The following FAM184A variants were observed in gnomAD, a reference collection of about 807,000 sequenced individuals.
The protein encoded by FAM184A is protein FAM184A.
In FAM184A, 99 loss-of-function variants were observed where a neutral mutation model predicts 143.8. That is an observed-to-expected ratio of 0.69 (90% CI 0.58 to 0.81). The LOEUF (loss-of-function observed/expected upper bound fraction) is 0.81. FAM184A is among the 40% of genes least tolerant of loss of function. FAM184A has a pLI of 0.00. For synonymous variants in FAM184A, 427 were observed against 446.4 expected (o/e 0.96, Z 0.55); for missense variants, 1,217 against 1,310.5 (o/e 0.93, Z 1.10).
chr6:119,081,604 G>A (rs996946883), upstream of FAM184A, among the ~76,000 whole-genome samples: 1 of 152,218 alleles, frequency 6.6e-6, no homozygotes, highest in African/African-American at 2.4e-5. Flanking sequence ...TTGCCTTGGT[G>A]TACTGGAAGA....
chr6:119,068,465 T>C (rs182224107), intron 1 of FAM184A, among the ~76,000 whole-genome samples: 1 of 152,348 alleles, frequency 6.6e-6, no homozygotes, highest in African/African-American at 2.4e-5. Context: ...TTAATCTTTA[T>C]AATAATTCTA....
At chr6:119,146,574 G>A (rs1216742363) in intron 1 of FAM184A, among the ~76,000 whole-genome samples, 1 of 151,916 alleles carries the variant, frequency 6.6e-6, no homozygotes, top group Non-Finnish European at 1.5e-5. Context: ...AGGACTACCA[G>A]TATAAGCCAC....
At chr6:119,066,179 C>A (rs150043813) in intron 1 of FAM184A, among the ~76,000 whole-genome samples, 1 of 152,272 alleles carries the variant, frequency 6.6e-6, no homozygotes, top group African/African-American at 2.4e-5. Context: ...GTTGTGGTAA[C>A]AATTTAACAC....
At chr6:119,080,088 C>T (rs1788017422), upstream of FAM184A, among the ~76,000 whole-genome samples, 1 of 152,218 alleles carries the variant, frequency 6.6e-6, no homozygotes, top group Admixed American at 6.5e-5. Context: ...TTTTAGAACT[C>T]ATGTTCTTTA....
At chr6:119,052,211 C>G (rs1009716194) in intron 1 of FAM184A, among the ~76,000 whole-genome samples, 1 of 152,176 alleles carries the variant, frequency 6.6e-6, no homozygotes, top group Admixed American at 6.5e-5. Context: ...ATATAGACAC[C>G]TACATTCTAT....
rs147539053 is a variant in FAM184A at position 119,140,268 on chromosome 6, G to A, written c.-202+8810C>T. ...GATGTAAGGGAGTACCAAGAAAGGG[G>A]AGCAGGAGAATGCATTTTCTGGCCA... On this transcript the variant is annotated intron_variant, in intron 1 of 16. Coordinates refer to the FAM184A transcript ENST00000352896. 2.6e-5 allele frequency among the ~76,000 whole-genome samples: 4 copies of A among 152,318 alleles called. No homozygotes were observed. In the East Asian group the frequency reaches 7.7e-4, roughly 29 times the overall value.
At chr6:119,107,375 G>A (rs1223655762) in intron 1 of FAM184A, among the ~76,000 whole-genome samples, 2 of 152,176 alleles carry the variant, frequency 1.3e-5, no homozygotes, top group Non-Finnish European at 2.9e-5. Context: ...TGGAGTGCAT[G>A]GAATGGCAAG....
At position 119,063,963 on chromosome 6, in the gene FAM184A, T is replaced by C. The variant is rs138626125; in HGVS notation, c.159+14178A>G. On this transcript the variant is annotated intron_variant, in intron 1 of 17. Coordinates refer to ENST00000338891, the MANE Select transcript of FAM184A (RefSeq NM_024581.6). ...TGTGGAACCCAAAATATCAGACTTA[T>C]AGTTCTTTGGGATTCTAAATTCTAA... is the stretch of plus-strand genomic sequence containing the variant. Among the ~76,000 whole-genome samples, 13 of 152,234 alleles carry C rather than the reference T, an allele frequency of 8.5e-5. No homozygotes were observed. The East Asian group carries it at 1.4e-3, about 16-fold the overall frequency.
intron 1 of FAM184A, among the ~76,000 whole-genome samples, chr6:119,094,777 AG>A (rs1224737028): frequency 2.0e-5 from 3 of 151,020 alleles, no homozygotes; most frequent in Non-Finnish European, 4.4e-5. Context: ...AAAAAAAAAA[AG>A]GAGGGGATGT....
At chr6:119,009,370 G>A (rs556813842) in intron 6 of FAM184A, among the ~76,000 whole-genome samples, 2 of 152,260 alleles carry the variant, frequency 1.3e-5, no homozygotes, top group African/African-American at 4.8e-5. Context: ...TTCCTGCGCT[G>A]TTCTTGTGAT....
intron 1 of FAM184A, among the ~76,000 whole-genome samples, chr6:119,128,126 A>G (rs1789424707): frequency 6.6e-6 from 1 of 151,992 alleles, no homozygotes; most frequent in Non-Finnish European, 1.5e-5. Flanking sequence ...AGAGATCTTA[A>G]GACTGACAAA....
intron 9 of FAM184A, 123 bp from the exon 10 acceptor site, chr6:118,980,473 C>T: frequency 1.5e-6 from 1 of 676,998 alleles, no homozygotes; most frequent in South Asian, 2.1e-5. Flanking sequence ...TTAATGTTTC[C>T]ATTTAAAATA....
intron 1 of FAM184A, chr6:119,025,684 G>A (rs764983634): frequency 1.8e-5 from 9 of 497,256 alleles, no homozygotes; most frequent in African/African-American, 1.8e-4. Context: ...GTGGTCACAC[G>A]GTGAAATTTT....
At chr6:118,982,680 G>A (rs1386356111) in intron 9 of FAM184A, among the ~76,000 whole-genome samples, 1 of 152,174 alleles carries the variant, frequency 6.6e-6, no homozygotes, top group Non-Finnish European at 1.5e-5. Context: ...TCACAGTGGT[G>A]TTTCTTATTT....
intron 14 of FAM184A, 34 bp downstream of exon 14, chr6:118,974,394 C>A (rs759686929): frequency 1.3e-6 from 2 of 1,567,538 alleles, no homozygotes; most frequent in Non-Finnish European, 1.7e-6. Context: ...AATTTATTAT[C>A]CACATATGAA....
At chr6:119,021,417 G>A (rs1431001203) in intron 3 of FAM184A, among the ~76,000 whole-genome samples, 3 of 152,218 alleles carry the variant, frequency 2.0e-5, no homozygotes, top group African/African-American at 7.2e-5. Flanking sequence ...GTCAGCTTTA[G>A]TATGTAAAAA....
intron 1 of FAM184A, among the ~76,000 whole-genome samples, chr6:119,045,993 A>C (rs1786515750): frequency 6.6e-6 from 1 of 152,182 alleles, no homozygotes; most frequent in South Asian, 2.1e-4. Flanking sequence ...TAAAGTAATC[A>C]CTATTCATTG....
chr6:119,101,590 G>A (rs552572371), intron 1 of FAM184A, among the ~76,000 whole-genome samples: 4 of 152,016 alleles, frequency 2.6e-5, no homozygotes, highest in South Asian at 4.2e-4. Flanking sequence ...TTCTATAATC[G>A]CGCAAATTTC....
At chr6:119,104,117 G>A (rs1212917003) in intron 1 of FAM184A, among the ~76,000 whole-genome samples, 1 of 151,812 alleles carries the variant, frequency 6.6e-6, no homozygotes, top group South Asian at 2.1e-4. Flanking sequence ...GCTCACTGCA[G>A]CCTCAACCTC....
Sources: gnomAD v4.1 joint callset for allele counts (sites outside exome capture counted in the v4.1 genomes callset) on GRCh38, gnomAD v4.1.1 for gene constraint, MANE v1.5 for transcripts, NCBI Gene and HGNC (gene_info 2026-07-23, HGNC 2026-07-21) for gene names.